The following GULP1 variants were observed in gnomAD, a reference collection of about 807,000 sequenced individuals.
GULP1 encodes GULP PTB domain containing engulfment adaptor 1, also known as PTB domain-containing engulfment adapter protein 1.
Under a neutral mutation model 40.9 loss-of-function variants are expected in GULP1, and 19 were observed. The ratio of observed to expected loss-of-function variants is 0.46; its 90% CI spans 0.32 to 0.68. The LOEUF is 0.68. Among genes scored for constraint, GULP1 ranks in the 30% least tolerant of loss-of-function variants. The probability of loss-of-function intolerance (pLI) is 0.03; values close to 1 mark genes in which losing one functional copy is unlikely to be tolerated. For missense variants in GULP1, 312 were observed against 362.2 expected (o/e 0.86, Z 1.12); for synonymous variants, 119 against 117.6 (o/e 1.01, Z -0.08).
intron 5 of GULP1, among the ~76,000 whole-genome samples, chr2:188,523,262 C>A (rs1167528760): frequency 6.6e-6 from 1 of 152,140 alleles, no homozygotes; most frequent in Non-Finnish European, 1.5e-5. Flanking sequence ...TTTGCAGTGA[C>A]ACTGTATGTT....
intron 9 of GULP1, among the ~76,000 whole-genome samples, chr2:188,570,914 T>A (rs545625027): frequency 3.3e-5 from 5 of 152,142 alleles, no homozygotes; most frequent in Admixed American, 6.6e-5. Flanking sequence ...TCCCAACATT[T>A]TGGGAGGCCA....
chr2:188,502,192 G>A (rs972629422), intron 4 of GULP1, among the ~76,000 whole-genome samples: 54 of 28,050 alleles, frequency 1.9e-3, no homozygotes, highest in Admixed American at 0.013. Context: ...AAACTGGTAA[G>A]AAGAGGGACA....
intron 2 of GULP1, among the ~76,000 whole-genome samples, chr2:188,426,665 T>C (rs2056242662): frequency 6.6e-6 from 1 of 152,220 alleles, no homozygotes; most frequent in Non-Finnish European, 1.5e-5. Flanking sequence ...TGATCTCTGT[T>C]TTAATATTAA....
intron 2 of GULP1, among the ~76,000 whole-genome samples, chr2:188,405,555 G>T (rs2052958229): frequency 6.6e-6 from 1 of 152,118 alleles, no homozygotes; most frequent in Non-Finnish European, 1.5e-5. Context: ...TGCAGTGCCA[G>T]GTTAGCTCTG....
chr2:188,497,511 T>C (rs1054160694), intron 4 of GULP1, among the ~76,000 whole-genome samples: 34 of 152,146 alleles, frequency 2.2e-4, no homozygotes, highest in African/African-American at 7.9e-4. Context: ...TATAATGAGA[T>C]GACGTGTTTA....
chr2:188,564,013 A>G (rs973248410), intron 7 of GULP1, among the ~76,000 whole-genome samples: 3 of 152,030 alleles, frequency 2.0e-5, no homozygotes, highest in Non-Finnish European at 4.4e-5. Context: ...TCTTAACAGA[A>G]TAATAACACA....
intron 6 of GULP1, among the ~76,000 whole-genome samples, chr2:188,538,607 G>C (rs1005718870): frequency 6.6e-6 from 1 of 151,786 alleles, no homozygotes; most frequent in African/African-American, 2.4e-5. Context: ...ATCTAAAAAA[G>C]GGATTAAAAA....
intron 1 of GULP1, among the ~76,000 whole-genome samples, chr2:188,373,679 CT>C (rs1214108840): frequency 6.6e-6 from 1 of 151,882 alleles, no homozygotes; most frequent in Non-Finnish European, 1.5e-5. Context: ...AAATGATTTA[CT>C]TAGCTATTGT....
intron 4 of GULP1, among the ~76,000 whole-genome samples, chr2:188,512,224 T>C (rs902864100): frequency 6.6e-6 from 1 of 152,120 alleles, no homozygotes; most frequent in Non-Finnish European, 1.5e-5. Flanking sequence ...CCCATCATAT[T>C]TGAGGCTCTG....
intron 1 of GULP1, among the ~76,000 whole-genome samples, chr2:188,311,227 C>T (rs1008035428): frequency 2.6e-5 from 4 of 151,738 alleles, no homozygotes; most frequent in African/African-American, 4.8e-5. Flanking sequence ...GTCGGAGTCT[C>T]GCTCTGTTGC....
intron 2 of GULP1, among the ~76,000 whole-genome samples, chr2:188,456,989 G>A (rs1396321942): frequency 6.6e-6 from 1 of 152,104 alleles, no homozygotes; most frequent in East Asian, 1.9e-4. Context: ...ACTTGCATGG[G>A]GCCTGTAGTC....
intron 2 of GULP1, among the ~76,000 whole-genome samples, chr2:188,427,927 C>T (rs950323232): frequency 6.6e-6 from 1 of 152,240 alleles, no homozygotes; most frequent in African/African-American, 2.4e-5. Flanking sequence ...GCTGCAAGCA[C>T]TCAGTGCCAG....
intron 1 of GULP1, among the ~76,000 whole-genome samples, chr2:188,345,713 G>A (rs2043554346): frequency 6.6e-6 from 1 of 152,140 alleles, no homozygotes; most frequent in Admixed American, 6.5e-5. Context: ...GCAGGATGAA[G>A]ATAAGATTTC....
intron 1 of GULP1, among the ~76,000 whole-genome samples, chr2:188,365,846 A>G (rs1324374121): frequency 2.0e-5 from 3 of 152,212 alleles, no homozygotes; most frequent in African/African-American, 7.2e-5. Flanking sequence ...AGTGGGCGAT[A>G]TGGTATATGC....
At chr2:188,528,183 A>C (rs900798572) in intron 5 of GULP1, among the ~76,000 whole-genome samples, 1 of 152,150 alleles carries the variant, frequency 6.6e-6, no homozygotes, top group African/African-American at 2.4e-5. Flanking sequence ...ACTTTGACAA[A>C]TATTTTTTAG....
intron 2 of GULP1, among the ~76,000 whole-genome samples, chr2:188,458,975 C>T (rs766893289): frequency 6.6e-6 from 1 of 152,192 alleles, no homozygotes; most frequent in Non-Finnish European, 1.5e-5. Context: ...GCCTATTTCA[C>T]TGAACATAAT....
At chr2:188,430,008 AAG>A (rs2056679097) in intron 2 of GULP1, among the ~76,000 whole-genome samples, 1 of 152,110 alleles carries the variant, frequency 6.6e-6, no homozygotes, top group Admixed American at 6.6e-5. Context: ...CCTTAAGTGG[AAG>A]CTGTAAAAAA....
chr2:188,455,416 C>G (rs1158423492), intron 2 of GULP1, among the ~76,000 whole-genome samples: 1 of 152,098 alleles, frequency 6.6e-6, no homozygotes, highest in East Asian at 1.9e-4. Flanking sequence ...GCAGGACTTT[C>G]CTGAGCTGTT....
chr2:188,432,552 A>T (rs917895538), intron 2 of GULP1, among the ~76,000 whole-genome samples: 1 of 152,034 alleles, frequency 6.6e-6, no homozygotes, highest in African/African-American at 2.4e-5. Flanking sequence ...AAATTACACA[A>T]ATATAATTCT....
Sources: gnomAD v4.1 joint callset for allele counts (sites outside exome capture counted in the v4.1 genomes callset) on GRCh38, gnomAD v4.1.1 for gene constraint, MANE v1.5 for transcripts, NCBI Gene and HGNC (gene_info 2026-07-23, HGNC 2026-07-21) for gene names.